Variants in REEP1 observed in about 807,000 individuals in gnomAD.
REEP1 encodes the protein receptor accessory protein 1, also known as receptor expression-enhancing protein 1.
Under a neutral mutation model 40.3 loss-of-function variants are expected in REEP1, and 22 were observed. The observed-to-expected ratio is 0.55, with a 90% CI of 0.39 to 0.78. The LOEUF (loss-of-function observed/expected upper bound fraction) is 0.78, where lower values mean the gene tolerates loss of function less well. Ranked by LOEUF, REEP1 falls within the 30% of genes least tolerant of loss-of-function variation. REEP1 has a pLI of 0.00. For missense variants in REEP1, 280 were observed against 361.1 expected, an observed-to-expected ratio of 0.78 and a Z score of 1.82; for synonymous variants, 116 against 139.2, an observed-to-expected ratio of 0.83 and a Z score of 1.17.
Position 86,214,549 on chromosome 2 carries a change from A to C in REEP1, c.*2490T>G, listed in dbSNP as rs1233130270. ...GCCTGTGTCTGTAAGTCAGCAAATT[A>C]AAAACATTCAGTTGTATCCTCTAGA... On this transcript the variant is annotated 3_prime_UTR_variant, in exon 9 of 9. Transcript: ENST00000538924. 1 of 152,682 alleles carries C rather than the reference A, an allele frequency of 6.5e-6. No homozygotes were observed. The highest frequency in any genetic ancestry group is 2.1e-4 in the South Asian group (1 of 4,826). 9.5% of individuals were successfully genotyped at this position (152,682 alleles called of 1,614,324 possible).
intron 1 of REEP1, among the ~76,000 whole-genome samples, chr2:86,317,097 TTG>T (rs1294833339): frequency 2.6e-5 from 4 of 152,136 alleles, no homozygotes; most frequent in Non-Finnish European, 5.9e-5. Context: ...GTTGCCACAA[TTG>T]TCAGACCTGG....
chr2:86,240,833 C>G (rs140006458), intron 5 of REEP1, among the ~76,000 whole-genome samples: 3 of 152,206 alleles, frequency 2.0e-5, no homozygotes, highest in Non-Finnish European at 4.4e-5. Flanking sequence ...GCAGCAGGCA[C>G]GTGGTTATCT....
rs181939001 is a variant in REEP1 at position 86,273,808 on chromosome 2, G to A, written c.105+8362C>T. On this transcript the variant is annotated intron_variant, in intron 2 of 8. Coordinates refer to ENST00000538924, the MANE Select transcript of REEP1 (RefSeq NM_001371279.1). ...CTTTACAGTACCACACACATTCCCTGTCATAACATTTATCACACTGCTTTG... is the reference window on the plus strand; with the variant it reads ...CTTTACAGTACCACACACATTCCCTATCATAACATTTATCACACTGCTTTG... 1.6e-4 allele frequency among the ~76,000 whole-genome samples: 25 copies of A among 152,206 alleles called. 1 individual carries two copies. The East Asian group carries it at 4.6e-3, about 28-fold the overall frequency.
chr2:86,247,664 G>A (rs759304308), intron 5 of REEP1, among the ~76,000 whole-genome samples: 1 of 151,796 alleles, frequency 6.6e-6, no homozygotes, highest in Non-Finnish European at 1.5e-5. Flanking sequence ...TCCACCTCCC[G>A]GGTTCAAGTG....
chr2:86,249,131 C>T (rs1400940848), intron 5 of REEP1, among the ~76,000 whole-genome samples: 5 of 152,128 alleles, frequency 3.3e-5, no homozygotes, highest in East Asian at 1.9e-4. Context: ...TGGTGGCAGG[C>T]GCCTATAATC....
intron 1 of REEP1, among the ~76,000 whole-genome samples, chr2:86,334,344 G>C (rs932041551): frequency 6.6e-6 from 1 of 152,158 alleles, no homozygotes; most frequent in East Asian, 1.9e-4. Context: ...CATGTTCTTT[G>C]ATGTGACAGA....
chr2:86,220,075 G>T lies in REEP1; in HGVS notation c.678C>A (p.Pro226=). 1 of 1,232,126 alleles carries T rather than the reference G, an allele frequency of 8.1e-7. No individual in the cohort carries two copies. The highest frequency in any genetic ancestry group is 1.0e-6 in the Non-Finnish European group (1 of 987,988). The allele number at this position is 1,232,126 out of a possible 1,614,324, so 76.3% of individuals were successfully genotyped here. The change falls in exon 8 of 9, where the codon CCC becomes CCA. Residue 226 remains proline, a synonymous_variant. Coordinates refer to ENST00000538924, the MANE Select transcript of REEP1 (RefSeq NM_001371279.1). ...ACGCCAATGGGTTTTGGACCTGGTG[G>T]GGCTCCCATGCCTTCATACCACCCT... is the stretch of plus-strand genomic sequence containing the variant. ...VNEGGMKAWE[P]HQVQNPLAFS...
At chr2:86,274,272 C>T (rs1257429733) in intron 2 of REEP1, among the ~76,000 whole-genome samples, 1 of 152,152 alleles carries the variant, frequency 6.6e-6, no homozygotes, top group East Asian at 1.9e-4. Flanking sequence ...AGAGTTTGAG[C>T]TTTATGTGGC....
Position 86,321,829 on chromosome 2 carries a change from T to C in REEP1, c.32+15650A>G, listed in dbSNP as rs140242619. Among the ~76,000 whole-genome samples, 105 of 152,314 alleles carry C rather than the reference T, an allele frequency of 6.9e-4. 3 individuals are homozygous for C. In the South Asian group the frequency reaches 0.013, roughly 18 times the overall value. ...AAACCCTACAGCAAGCATGATACTTTATGGGAAAATGTTGAAGCATCCCTT... is the reference window on the plus strand; with the variant it reads ...AAACCCTACAGCAAGCATGATACTTCATGGGAAAATGTTGAAGCATCCCTT... On this transcript the variant is annotated intron_variant, in intron 1 of 8. Transcript: ENST00000538924.
intron 1 of REEP1, among the ~76,000 whole-genome samples, chr2:86,285,651 G>A (rs1678347008): frequency 1.3e-5 from 2 of 152,164 alleles, no homozygotes; most frequent in Non-Finnish European, 1.5e-5. Flanking sequence ...GCCTTCTCCC[G>A]GGGCTGCCTG....
rs146815408 is a variant in REEP1, at chr2:86,299,685, G to C, written c.33-17443C>G. 3.9e-5 allele frequency among the ~76,000 whole-genome samples: 6 copies of C among 152,272 alleles called. No individual in the cohort carries two copies. In the East Asian group the frequency reaches 1.2e-3, roughly 29 times the overall value. Reference sequence around the variant, plus strand: ...CTTATACAAGCCACAACACCATCTAGAGTAGCAATTAATATTGGCTACTAT... The same window carrying C: ...CTTATACAAGCCACAACACCATCTACAGTAGCAATTAATATTGGCTACTAT... On this transcript the variant is annotated intron_variant, in intron 1 of 8. Transcript: ENST00000538924.
At chr2:86,330,462 T>TGTGTGTGTGTGTG (rs1573066723) in intron 1 of REEP1, among the ~76,000 whole-genome samples, 2 of 142,342 alleles carry the variant, frequency 1.4e-5, no homozygotes, top group Non-Finnish European at 3.0e-5. Flanking sequence ...TGTGTGTGTG[T>TGTGTGTGTGTGTG]TAAGACAGGG....
intron 7 of REEP1, among the ~76,000 whole-genome samples, chr2:86,221,076 G>A (rs772405622): frequency 2.0e-5 from 3 of 152,152 alleles, no homozygotes; most frequent in Non-Finnish European, 2.9e-5. Flanking sequence ...TCCAATCACC[G>A]TGAGGCCTCC....
At chr2:86,236,770 T>C (rs1488432050) in intron 5 of REEP1, among the ~76,000 whole-genome samples, 1 of 151,498 alleles carries the variant, frequency 6.6e-6, no homozygotes. Flanking sequence ...GGAGTCTCAC[T>C]CTGTCGCCCA....
chr2:86,225,129 A>C (rs2103992149), intron 7 of REEP1, among the ~76,000 whole-genome samples: 2 of 152,326 alleles, frequency 1.3e-5, no homozygotes, highest in Middle Eastern at 6.8e-3. Context: ...AGCTGAACGC[A>C]GCCCCTTCAT....
At chr2:86,242,778 G>A (rs765930348) in intron 5 of REEP1, among the ~76,000 whole-genome samples, 1 of 152,116 alleles carries the variant, frequency 6.6e-6, no homozygotes, top group South Asian at 2.1e-4. Context: ...GAGAGCAGTC[G>A]ACCATTTGGG....
At chr2:86,317,894 A>G (rs1271281652) in intron 1 of REEP1, among the ~76,000 whole-genome samples, 1 of 152,196 alleles carries the variant, frequency 6.6e-6, no homozygotes, top group Non-Finnish European at 1.5e-5. Context: ...AACACCAGTT[A>G]CTTGAATGAC....
intron 1 of REEP1, 100 bp from the exon 2 acceptor site, chr2:86,282,342 A>G (rs1035592349): frequency 2.3e-5 from 21 of 920,506 alleles, no homozygotes; most frequent in Non-Finnish European, 1.8e-6. Flanking sequence ...TAAGCTACAG[A>G]AAGTGCTGCT....
chr2:86,261,705 AGCCC>A (rs1676862893), intron 3 of REEP1, among the ~76,000 whole-genome samples: 2 of 152,216 alleles, frequency 1.3e-5, no homozygotes, highest in South Asian at 4.1e-4. Flanking sequence ...ACCGTCCCCC[AGCCC>A]GACACCTGTA....
Sources: allele counts gnomAD v4.1 joint callset (sites outside exome capture counted in the v4.1 genomes callset), GRCh38; gene constraint gnomAD v4.1.1; transcripts MANE v1.5; gene names NCBI Gene and HGNC (gene_info 2026-07-23, HGNC 2026-07-21).